PPP2R2B: variants seen among roughly 807,000 people sequenced by gnomAD.
PPP2R2B encodes the protein protein phosphatase 2 regulatory subunit Bbeta.
A neutral mutation model predicts 46.0 loss-of-function variants in PPP2R2B; 5 were observed. The observed-to-expected ratio is 0.11, with a 90% CI of 0.06 to 0.23. The LOEUF (loss-of-function observed/expected upper bound fraction) is 0.23. Among genes scored for constraint, PPP2R2B ranks in the 10% least tolerant of loss-of-function variants. The probability of loss-of-function intolerance (pLI) is 1.00; values close to 1 mark genes in which losing one functional copy is unlikely to be tolerated. For synonymous variants in PPP2R2B, 215 were observed against 206.7 expected (o/e 1.04, Z -0.34); for missense variants, 367 against 575.0 (o/e 0.64, Z 3.70).
intron 2 of PPP2R2B, among the ~76,000 whole-genome samples, chr5:146,729,523 C>A (rs1365948826): frequency 1.3e-5 from 2 of 152,172 alleles, no homozygotes; most frequent in African/African-American, 4.8e-5. Flanking sequence ...ATGTGAGAGA[C>A]CTTCATGACA....
intron 2 of PPP2R2B, among the ~76,000 whole-genome samples, chr5:146,818,674 A>G (rs529086776): frequency 1.3e-5 from 2 of 152,282 alleles, no homozygotes; most frequent in Admixed American, 6.5e-5. Flanking sequence ...TACTTTACAG[A>G]TGAGAAATCT....
chr5:146,907,522 C>A (rs1295327365), intron 1 of PPP2R2B, among the ~76,000 whole-genome samples: 2 of 152,210 alleles, frequency 1.3e-5, no homozygotes, highest in African/African-American at 4.8e-5. Context: ...CTCTGTGCTG[C>A]CTGGTCATCA....
chr5:146,639,857 A>T (rs879880195), intron 6 of PPP2R2B, among the ~76,000 whole-genome samples: 4 of 152,258 alleles, frequency 2.6e-5, no homozygotes, highest in African/African-American at 9.6e-5. Flanking sequence ...TAATATGCAT[A>T]AAAATTGACA....
At chr5:146,951,993 T>A (rs62373340) in intron 1 of PPP2R2B, among the ~76,000 whole-genome samples, 2 of 150,438 alleles carry the variant, frequency 1.3e-5, no homozygotes, top group Admixed American at 6.6e-5. Flanking sequence ...TTTTTTTTTT[T>A]AAAGCTCCTC....
At chr5:146,920,158 T>C (rs1582428504) in intron 1 of PPP2R2B, among the ~76,000 whole-genome samples, 2 of 152,292 alleles carry the variant, frequency 1.3e-5, no homozygotes, top group South Asian at 4.1e-4. Context: ...TAGGAATTAT[T>C]TGGGTTTCTG....
chr5:146,640,873 T>A (rs1775163904), intron 6 of PPP2R2B, among the ~76,000 whole-genome samples: 1 of 152,132 alleles, frequency 6.6e-6, no homozygotes, highest in Admixed American at 6.5e-5. Context: ...AGCTGCCATC[T>A]CTGGATCTTT....
At chr5:146,696,290 G>T (rs1235427209) in intron 4 of PPP2R2B, among the ~76,000 whole-genome samples, 1 of 152,092 alleles carries the variant, frequency 6.6e-6, no homozygotes, top group Non-Finnish European at 1.5e-5. Context: ...ATTTTTAGTA[G>T]GGACGGGGTT....
In PPP2R2B at chr5:146,588,031, C is replaced by T. The variant is rs953784938; in HGVS notation, c.*1916G>A. Reference sequence around the variant, plus strand: ...TGGCCTTCTGCAAAATCATCACTCTCTATGACTGGCAGAAGTTTCTGACTC... The same window carrying T: ...TGGCCTTCTGCAAAATCATCACTCTTTATGACTGGCAGAAGTTTCTGACTC... On this transcript the variant is annotated 3_prime_UTR_variant, in exon 10 of 10. Coordinates refer to ENST00000394411, the MANE Select transcript of PPP2R2B (RefSeq NM_181675.4). 7 of 152,170 alleles carry T rather than the reference C, an allele frequency of 4.6e-5. No individual in the cohort carries two copies. The highest frequency in any genetic ancestry group is 8.8e-5 in the Non-Finnish European group (6 of 68,024). The allele number at this position is 152,170 out of a possible 1,614,324, so 9.4% of individuals were successfully genotyped here.
chr5:146,640,220 CT>C (rs1393779484), intron 6 of PPP2R2B, among the ~76,000 whole-genome samples: 2 of 152,186 alleles, frequency 1.3e-5, no homozygotes, highest in Non-Finnish European at 2.9e-5. Flanking sequence ...CTATTGGGTT[CT>C]TTCTAAAATT....
intron 1 of PPP2R2B, among the ~76,000 whole-genome samples, chr5:146,927,987 G>A (rs928190910): frequency 2.6e-5 from 4 of 151,958 alleles, no homozygotes; most frequent in African/African-American, 9.7e-5. Context: ...TGATCCACCC[G>A]CCTTGGCCTC....
intron 4 of PPP2R2B, among the ~76,000 whole-genome samples, chr5:146,692,690 C>T (rs766504307): frequency 5.3e-5 from 8 of 151,956 alleles, no homozygotes; most frequent in South Asian, 2.1e-4. Flanking sequence ...CCCACCACCA[C>T]GCCCGGCTAA....
intron 1 of PPP2R2B, among the ~76,000 whole-genome samples, chr5:147,015,220 C>G (rs916180025): frequency 4.7e-5 from 7 of 149,024 alleles, no homozygotes; most frequent in African/African-American, 1.5e-4. Context: ...CCAGACCCTC[C>G]TTTCCCCAAT....
chr5:146,893,539 GC>G (rs1285301777), intron 1 of PPP2R2B, among the ~76,000 whole-genome samples: 2 of 152,168 alleles, frequency 1.3e-5, no homozygotes, highest in East Asian at 3.9e-4. Flanking sequence ...CTGTCCATAG[GC>G]CAGGTGCTGT....
intron 2 of PPP2R2B, among the ~76,000 whole-genome samples, chr5:146,800,724 C>T (rs748023517): frequency 2.0e-5 from 3 of 151,930 alleles, no homozygotes; most frequent in Admixed American, 6.6e-5. Context: ...GTCTAATCAG[C>T]TGTGCTTGGA....
intron 2 of PPP2R2B, among the ~76,000 whole-genome samples, chr5:146,810,175 G>A (rs1399246768): frequency 6.6e-6 from 1 of 152,104 alleles, no homozygotes; most frequent in Non-Finnish European, 1.5e-5. Flanking sequence ...GTATTAGTTC[G>A]TTTTCACACT....
At chr5:146,634,213 C>T (rs965611213) in intron 7 of PPP2R2B, among the ~76,000 whole-genome samples, 2 of 152,196 alleles carry the variant, frequency 1.3e-5, no homozygotes, top group Non-Finnish European at 2.9e-5. Context: ...GCTGACCCTC[C>T]TGCAAGGGAA....
At chr5:146,910,654 G>C (rs1475739012) in intron 1 of PPP2R2B, among the ~76,000 whole-genome samples, 1 of 152,102 alleles carries the variant, frequency 6.6e-6, no homozygotes, top group Admixed American at 6.5e-5. Context: ...CTGGTACATA[G>C]TAAGCACTTA....
intron 2 of PPP2R2B, among the ~76,000 whole-genome samples, chr5:146,862,213 A>T (rs1263861602): frequency 6.6e-6 from 1 of 152,222 alleles, no homozygotes; most frequent in East Asian, 1.9e-4. Context: ...TAAACTCCCA[A>T]GAAAAGAATA....
chr5:146,770,553 G>A (rs1233759992), intron 2 of PPP2R2B, among the ~76,000 whole-genome samples: 1 of 152,128 alleles, frequency 6.6e-6, no homozygotes, highest in East Asian at 1.9e-4. Context: ...ATTACTAGGT[G>A]TTATGATAAC....
Sources: gnomAD v4.1 joint callset for allele counts (sites outside exome capture counted in the v4.1 genomes callset) on GRCh38, gnomAD v4.1.1 for gene constraint, MANE v1.5 for transcripts, NCBI Gene and HGNC (gene_info 2026-07-23, HGNC 2026-07-21) for gene names.